GABRA2: variants seen among roughly 807,000 people sequenced by gnomAD.
GABRA2 encodes gamma-aminobutyric acid type A receptor subunit alpha2, also known as gamma-aminobutyric acid receptor subunit alpha-2.
A neutral mutation model predicts 48.7 loss-of-function variants in GABRA2; 16 were observed. The ratio of observed to expected loss-of-function variants is 0.33; its 90% confidence interval spans 0.22 to 0.50. The LOEUF is 0.50. Ranked by LOEUF, GABRA2 falls within the 20% of genes least tolerant of loss-of-function variation. The probability of loss-of-function intolerance (pLI) is 0.98; values close to 1 mark genes in which losing one functional copy is unlikely to be tolerated. For synonymous variants in GABRA2, 185 were observed against 184.5 expected (o/e 1.00, Z -0.02); for missense variants, 275 against 535.6 (o/e 0.51, Z 4.80).
chr4:46,289,912 T>TA (rs1488839525), intron 8 of GABRA2, among the ~76,000 whole-genome samples: 1,846 of 143,800 alleles, frequency 0.013, 43 homozygotes, highest in African/African-American at 0.038. Flanking sequence ...TATTTATTTT[T>TA]ATTTTTTTTT....
At chr4:46,330,898 C>G (rs921631677) in intron 4 of GABRA2, among the ~76,000 whole-genome samples, 3 of 151,966 alleles carry the variant, frequency 2.0e-5, no homozygotes, top group African/African-American at 7.2e-5. Context: ...CACTGTGTCT[C>G]TAACATTTGG....
rs1718524833 is a variant in GABRA2, at chr4:46,267,704, ACT to A, written c.857-5578_857-5577del. ...TATTTTTAGTTAGGGGTTACTGAAG[ACT>A]CTGTTTTAATAGCTTAGGGGGTCAT... On this transcript the variant is annotated intron_variant, in intron 8 of 9. Coordinates refer to ENST00000381620, the MANE Select transcript of GABRA2 (RefSeq NM_000807.4). 4.6e-5 allele frequency among the ~76,000 whole-genome samples: 7 copies of A among 151,976 alleles called. 2 individuals carry two copies. The highest frequency in any genetic ancestry group is 4.2e-4 in the South Asian group (2 of 4,812).
chr4:46,324,125 G>A (rs942366225), intron 4 of GABRA2, among the ~76,000 whole-genome samples: 14 of 151,850 alleles, frequency 9.2e-5, no homozygotes, highest in Middle Eastern at 6.8e-3. Flanking sequence ...TCCACCCACC[G>A]CAATCTGGTT....
chr4:46,375,590 T>G (rs780633568), intron 3 of GABRA2, among the ~76,000 whole-genome samples: 40 of 152,234 alleles, frequency 2.6e-4, no homozygotes, highest in Non-Finnish European at 5.0e-4. Flanking sequence ...AAATGTGCTC[T>G]CTGAGCCTTA....
chr4:46,354,760 A>C (rs1211873698), intron 3 of GABRA2, among the ~76,000 whole-genome samples: 1 of 152,180 alleles, frequency 6.6e-6, no homozygotes, highest in African/African-American at 2.4e-5. Flanking sequence ...ACACAGTTTC[A>C]AGAATGCTAG....
intron 3 of GABRA2, among the ~76,000 whole-genome samples, chr4:46,382,318 T>C (rs1417064148): frequency 6.6e-6 from 1 of 151,732 alleles, no homozygotes; most frequent in Non-Finnish European, 1.5e-5. Context: ...TTGACCTCGT[T>C]GAGAAGGTGA....
intron 9 of GABRA2, among the ~76,000 whole-genome samples, chr4:46,253,858 A>AT (rs1715285003): frequency 1.3e-5 from 2 of 151,442 alleles, no homozygotes; most frequent in African/African-American, 4.8e-5. Flanking sequence ...ACAAAGTCTT[A>AT]TTTTAAAGGG....
At chr4:46,285,342 T>C (rs1560476612) in intron 8 of GABRA2, among the ~76,000 whole-genome samples, 1 of 152,034 alleles carries the variant, frequency 6.6e-6, no homozygotes, top group Non-Finnish European at 1.5e-5. Flanking sequence ...TTTTTTATTT[T>C]ATATATATTT....
At position 46,389,693 on chromosome 4, in the gene GABRA2, A is replaced by T. The variant is rs200615315; in HGVS notation, c.-11+42T>A. The T allele has an allele frequency of 3.6e-5, 35 of 973,608 alleles. 1 individual carries two copies. In the African/African-American group the frequency reaches 5.8e-4, roughly 16 times the overall value. The allele number at this position is 973,608 out of a possible 1,614,324, so 60.3% of individuals were successfully genotyped here. ...AGGCATGCACGCGAGGCAAAGACAAACAGGAAAGTGTCTCTATCGGGACCA... is the reference window on the plus strand; with the variant it reads ...AGGCATGCACGCGAGGCAAAGACAATCAGGAAAGTGTCTCTATCGGGACCA... On this transcript the variant is annotated intron_variant, in intron 1 of 9. Coordinates refer to ENST00000381620, the MANE Select transcript of GABRA2 (RefSeq NM_000807.4).
At chr4:46,295,020 C>T (rs1724372939) in intron 8 of GABRA2, among the ~76,000 whole-genome samples, 1 of 152,180 alleles carries the variant, frequency 6.6e-6, no homozygotes, top group South Asian at 2.1e-4. Flanking sequence ...GCTACCCTGC[C>T]TTCTCTCTGC....
At chr4:46,383,963 T>A (rs900511658) in intron 3 of GABRA2, among the ~76,000 whole-genome samples, 1 of 152,124 alleles carries the variant, frequency 6.6e-6, no homozygotes, top group African/African-American at 2.4e-5. Context: ...AATTAGCAAT[T>A]TAAGGGAGGA....
intron 3 of GABRA2, among the ~76,000 whole-genome samples, chr4:46,335,248 ACT>A (rs1029361942): frequency 2.6e-5 from 4 of 152,000 alleles, no homozygotes; most frequent in Non-Finnish European, 5.9e-5. Flanking sequence ...TAATCTTGTG[ACT>A]CTGATTCGTC....
Position 46,312,629 on chromosome 4 carries a change from T to A in GABRA2, c.343A>T (p.Asn115Tyr). Residue 115 changes from asparagine (N) to tyrosine (Y), a missense_variant, in exon 5 of 10, where the codon AAT (asparagine) becomes TAT (tyrosine). Physicochemically the swap from Asn to Tyr is moderately radical, Grantham distance 143 (BLOSUM62 -2). Transcript: ENST00000381620. ...GTCCAGATTTTGCTAGCCATTAAAT[T>A]GTTTAGTCGAAGGATATTCATAGGA... is the stretch of plus-strand genomic sequence containing the variant. ...KGPMNILRLNNLMASKIWTPD... is the reference protein window; with the variant it reads ...KGPMNILRLNYLMASKIWTPD... The A allele has an allele frequency of 6.4e-7, 1 of 1,565,434 alleles. No individual in the cohort carries two copies. Among genetic ancestry groups the A allele is most frequent in the Non-Finnish European group, 8.6e-7 (1 of 1,160,098 alleles).
At chr4:46,373,172 T>C (rs1715202228) in intron 3 of GABRA2, among the ~76,000 whole-genome samples, 1 of 152,172 alleles carries the variant, frequency 6.6e-6, no homozygotes, top group Non-Finnish European at 1.5e-5. Flanking sequence ...TGAACATCTG[T>C]GTAACAAGCA....
intron 4 of GABRA2, among the ~76,000 whole-genome samples, chr4:46,313,734 T>C (rs1320380740): frequency 1.3e-5 from 2 of 151,288 alleles, no homozygotes; most frequent in Admixed American, 6.6e-5. Context: ...AAACATACTA[T>C]AAATAATTGA....
At chr4:46,298,662 C>A (rs1725190698) in intron 8 of GABRA2, among the ~76,000 whole-genome samples, 1 of 151,846 alleles carries the variant, frequency 6.6e-6, no homozygotes, top group Non-Finnish European at 1.5e-5. Context: ...AACTGTCAGT[C>A]TGAAGAATGA....
intron 3 of GABRA2, among the ~76,000 whole-genome samples, chr4:46,370,909 A>G (rs979682594): frequency 6.6e-6 from 1 of 151,342 alleles, no homozygotes; most frequent in African/African-American, 2.4e-5. Context: ...ACACACACAC[A>G]ACACACACAC....
chr4:46,266,087 A>G (rs1026393304), intron 8 of GABRA2, among the ~76,000 whole-genome samples: 3 of 151,876 alleles, frequency 2.0e-5, no homozygotes, highest in Non-Finnish European at 4.4e-5. Context: ...CTAATGCATT[A>G]TCTTCCTAGA....
Position 46,328,145 on chromosome 4 carries a change from C to T in GABRA2, c.255+4470G>A, listed in dbSNP as rs189809197. 4.8e-3 allele frequency among the ~76,000 whole-genome samples: 726 copies of T among 152,086 alleles called. 3 individuals carry two copies. The highest frequency in any genetic ancestry group is 7.6e-3 in the Admixed American group (115 of 15,218). ...ACTAATACATTTCAAAAATTAATTACCTCCTTATGTTGAAATAAAATATTT... is the reference window on the plus strand; with the variant it reads ...ACTAATACATTTCAAAAATTAATTATCTCCTTATGTTGAAATAAAATATTT... On this transcript the variant is annotated intron_variant, in intron 4 of 9. Coordinates refer to ENST00000381620, the MANE Select transcript of GABRA2 (RefSeq NM_000807.4).
Sources: allele counts gnomAD v4.1 joint callset (sites outside exome capture counted in the v4.1 genomes callset), GRCh38; gene constraint gnomAD v4.1.1; transcripts MANE v1.5; gene names NCBI Gene and HGNC (gene_info 2026-07-23, HGNC 2026-07-21).